AIM2: variants seen among roughly 807,000 people sequenced by gnomAD.
The protein encoded by AIM2 is absent in melanoma 2, also known as interferon-inducible protein AIM2.
A neutral mutation model predicts 27.7 loss-of-function variants in AIM2; 30 were observed. The observed-to-expected ratio is 1.08, with a 90% CI of 0.81 to 1.47. The LOEUF is 1.47. Among genes scored for constraint, AIM2 ranks in the 40% most tolerant of loss-of-function variants. AIM2 has a pLI of 0.00. For missense variants in AIM2, 358 were observed against 411.3 expected, an observed-to-expected ratio of 0.87 and a Z score of 1.12; for synonymous variants, 141 against 145.3, an observed-to-expected ratio of 0.97 and a Z score of 0.21.
At chr1:159,135,624 AT>A (rs1369419215) in intron 1 of AIM2, among the ~76,000 whole-genome samples, 14 of 152,264 alleles carry the variant, frequency 9.2e-5, no homozygotes, top group Admixed American at 5.9e-4. Context: ...ATAATAGAAA[AT>A]TTTTTTAAGT....
intron 1 of AIM2, among the ~76,000 whole-genome samples, chr1:159,084,222 T>C (rs1004332127): frequency 1.5e-4 from 23 of 152,212 alleles, no homozygotes; most frequent in African/African-American, 5.5e-4. Flanking sequence ...CTTTTTGGCA[T>C]ATTTGTACAT....
chr1:159,097,776 T>C (rs1657209364), intron 1 of AIM2, among the ~76,000 whole-genome samples: 1 of 152,198 alleles, frequency 6.6e-6, no homozygotes, highest in South Asian at 2.1e-4. Context: ...ATGCTTATTA[T>C]ATGACACAAA....
In AIM2 at chr1:159,081,804, T is replaced by G. The variant is rs77545293; in HGVS notation, c.-15-15475A>C. 1,426 of 158,992 alleles carry G rather than the reference T, an allele frequency of 9.0e-3. 18 individuals carry two copies. Among genetic ancestry groups the G allele is most frequent in the African/African-American group, 0.032 (1,345 of 41,630 alleles). 9.8% of individuals were successfully genotyped at this position (158,992 alleles called of 1,614,324 possible). On this transcript the variant is annotated intron_variant, in intron 1 of 2. Transcript: ENST00000368129. ...TCTTAAAATACTCCAGCCTTTGCAG[T>G]GTGGCCCAGATGCTAGAAAGCCCTT...
At chr1:159,119,158 C>T (rs142890834) in intron 1 of AIM2, among the ~76,000 whole-genome samples, 4 of 152,040 alleles carry the variant, frequency 2.6e-5, no homozygotes, top group African/African-American at 7.2e-5. Context: ...TGACATGAAT[C>T]GGAACGCTTG....
At chr1:159,110,705 A>C (rs1047492322) in intron 1 of AIM2, among the ~76,000 whole-genome samples, 8 of 152,182 alleles carry the variant, frequency 5.3e-5, no homozygotes, top group South Asian at 2.1e-4. Flanking sequence ...AGTTAGAAAA[A>C]TATGTGTTCC....
chr1:159,140,503 A>T (rs1648090857), exon 1 of AIM2: 1 of 152,142 alleles, frequency 6.6e-6, no homozygotes, highest in Admixed American at 6.6e-5. Flanking sequence ...TTAGAGTGCA[A>T]GTGCACAGCT....
At chr1:159,143,813 A>G (rs1557918595), upstream of AIM2, among the ~76,000 whole-genome samples, 1 of 152,164 alleles carries the variant, frequency 6.6e-6, no homozygotes, top group Non-Finnish European at 1.5e-5. Flanking sequence ...TGCTGCTGGG[A>G]ATACAATGAT....
upstream of AIM2, among the ~76,000 whole-genome samples, chr1:159,144,422 T>G (rs1010795030): frequency 3.3e-5 from 5 of 152,188 alleles, no homozygotes; most frequent in South Asian, 4.1e-4. Context: ...CAAAGCCTCT[T>G]GATAGTGTCG....
chr1:159,139,592 C>A (rs1209330544), intron 1 of AIM2, among the ~76,000 whole-genome samples: 1 of 152,100 alleles, frequency 6.6e-6, no homozygotes, highest in African/African-American at 2.4e-5. Context: ...GCTTCTTATA[C>A]CGAGGTCTTC....
At chr1:159,121,547 A>T (rs1216103828) in intron 1 of AIM2, among the ~76,000 whole-genome samples, 1 of 151,972 alleles carries the variant, frequency 6.6e-6, no homozygotes, top group Non-Finnish European at 1.5e-5. Context: ...CTACTTCAAC[A>T]CCTGCGCTCT....
At chr1:159,095,009 C>A (rs1470971718) in intron 1 of AIM2, among the ~76,000 whole-genome samples, 3 of 152,022 alleles carry the variant, frequency 2.0e-5, no homozygotes, top group Non-Finnish European at 2.9e-5. Flanking sequence ...CAATTTAAAT[C>A]ATTACTGAAA....
intron 1 of AIM2, among the ~76,000 whole-genome samples, chr1:159,145,724 T>C (rs1648188968): frequency 6.6e-6 from 1 of 151,730 alleles, no homozygotes; most frequent in Admixed American, 6.6e-5. Flanking sequence ...CCTAAGGGAG[T>C]CTGAGAAATG....
At position 159,073,359 on chromosome 1, in the gene AIM2, T is replaced by C. The variant is rs986086448; in HGVS notation, c.141A>G (p.Gln47=). 3.1e-6 allele frequency: 5 copies of C among 1,614,076 alleles called. No homozygotes were observed. In the African/African-American group the frequency reaches 6.7e-5, roughly 22 times the overall value. Residue 47 remains glutamine, a synonymous_variant, in exon 2 of 6, where the codon CAA becomes CAG. Coordinates refer to ENST00000368130, the MANE Select transcript of AIM2 (RefSeq NM_004833.3). ...CATTTTGAATCATCAAGGTAGCTAC[T>C]TGTATTCTGTTTGCAGTATGTAGTT... ...TGKLHTANRI[Q]VATLMIQNAG... is the part of the protein sequence containing the mutation.
intron 1 of AIM2, among the ~76,000 whole-genome samples, chr1:159,100,144 G>C (rs1239349223): frequency 6.6e-6 from 1 of 151,998 alleles, no homozygotes; most frequent in African/African-American, 2.4e-5. Context: ...TAATGCCTAG[G>C]GTATTCCTAC....
the AIM2 span, among the ~76,000 whole-genome samples, chr1:159,056,168 A>G: frequency 6.6e-6 from 1 of 152,170 alleles, no homozygotes; most frequent in African/African-American, 2.4e-5. Flanking sequence ...GTGAAAAGGA[A>G]AAGAGGGAAA....
intron 1 of AIM2, among the ~76,000 whole-genome samples, chr1:159,093,945 T>G (rs1657111151): frequency 6.6e-6 from 1 of 151,718 alleles, no homozygotes; most frequent in East Asian, 1.9e-4. Flanking sequence ...TTTCACCATA[T>G]TGGCCAGGAT....
upstream of AIM2, among the ~76,000 whole-genome samples, chr1:159,145,097 TA>T: frequency 6.6e-6 from 1 of 152,088 alleles, no homozygotes; most frequent in East Asian, 1.9e-4. Flanking sequence ...ATCTCACCCC[TA>T]AGGAGCTAGC....
intron 1 of AIM2, chr1:159,081,942 T>G (rs1441203008): frequency 6.6e-6 from 1 of 152,368 alleles, no homozygotes; most frequent in Non-Finnish European, 1.5e-5. Context: ...TTTTTAAAAC[T>G]GTATTTTCTT....
intron 1 of AIM2, among the ~76,000 whole-genome samples, chr1:159,114,473 C>T (rs913384827): frequency 6.6e-6 from 1 of 152,182 alleles, no homozygotes; most frequent in African/African-American, 2.4e-5. Context: ...GTAATCCCAA[C>T]ACTTTGGGAG....
Sources: allele counts gnomAD v4.1 joint callset (sites outside exome capture counted in the v4.1 genomes callset), GRCh38; gene constraint gnomAD v4.1.1; transcripts MANE v1.5; gene names NCBI Gene and HGNC (gene_info 2026-07-23, HGNC 2026-07-21).